The following ACOX3 variants were observed in gnomAD, a reference collection of about 807,000 sequenced individuals.
ACOX3 encodes peroxisomal acyl-coenzyme A oxidase 3.
A neutral mutation model predicts 81.5 loss-of-function variants in ACOX3; 73 were observed. The observed-to-expected ratio is 0.90, with a 90% CI of 0.74 to 1.09. ACOX3 has a LOEUF of 1.09. Ranked by LOEUF, ACOX3 falls within the 50% of genes least tolerant of loss-of-function variation. The pLI, the probability that ACOX3 is intolerant of heterozygous loss-of-function variation, is 0.00. For missense variants in ACOX3, 947 were observed against 928.0 expected, an observed-to-expected ratio of 1.02 and a Z score of -0.27; for synonymous variants, 387 against 375.1, an observed-to-expected ratio of 1.03 and a Z score of -0.37.
At chr4:8,404,306 G>A (rs569390843) in intron 7 of ACOX3, among the ~76,000 whole-genome samples, 14 of 152,288 alleles carry the variant, frequency 9.2e-5, no homozygotes, top group Non-Finnish European at 1.0e-4. Context: ...TCGGGGTGGC[G>A]CTCTCCTCCC....
At chr4:8,421,125 A>G (rs1722895328) in intron 1 of ACOX3, among the ~76,000 whole-genome samples, 1 of 152,210 alleles carries the variant, frequency 6.6e-6, no homozygotes, top group African/African-American at 2.4e-5. Context: ...CTCATCGGTA[A>G]CATTTGCTGG....
Position 8,389,506 on chromosome 4 carries a change from A to T in ACOX3, c.1423+106T>A. On this transcript the variant is annotated intron_variant, in intron 12 of 17. Coordinates refer to ENST00000356406, the MANE Select transcript of ACOX3 (RefSeq NM_003501.3). This position sits in a 1 kb window ranked among gnomAD's most constrained non-coding sequence, Gnocchi z 5.3. ...TCTAATAACATTTCTTTCCTTCTGC[A>T]AACCTAGGATGCATTCACAGAACAG... is the stretch of plus-strand genomic sequence containing the variant. The T allele has an allele frequency of 6.5e-7, 1 of 1,545,940 alleles. No individual in the cohort carries two copies. The highest frequency in any genetic ancestry group is 8.8e-7 in the Non-Finnish European group (1 of 1,134,138).
At chr4:8,438,624 A>C (rs1025415069) in intron 1 of ACOX3, among the ~76,000 whole-genome samples, 4 of 152,250 alleles carry the variant, frequency 2.6e-5, no homozygotes, top group Non-Finnish European at 5.9e-5. Flanking sequence ...AAGTGTTTAT[A>C]ATTAAATACA....
At chr4:8,439,230 G>A (rs892549218) in intron 1 of ACOX3, 1 of 152,106 alleles carries the variant, frequency 6.6e-6, no homozygotes. Context: ...CCTATATAAG[G>A]TGTCCCCATT....
rs953297290 is a variant in ACOX3, at chr4:8,368,047, G to A, written c.1984-967C>T. ...GTGGACACGCTGTTTCTTAGTAACT[G>A]CAGCCACCGCAGGATGCTGCAAGGC... On this transcript the variant is annotated intron_variant, in intron 17 of 17. Transcript: ENST00000356406. The surrounding 1 kb of genome is among the most constrained non-coding windows in gnomAD (Gnocchi z 5.9). Among the ~76,000 whole-genome samples, 4 of 151,428 alleles carry A rather than the reference G, an allele frequency of 2.6e-5. No individual in the cohort carries two copies. Among genetic ancestry groups the A allele is most frequent in the Admixed American group, 6.6e-5 (1 of 15,210 alleles).
rs1365622122 is a variant in ACOX3 at position 8,406,236 on chromosome 4, G to C, written c.688-193C>G. On this transcript the variant is annotated intron_variant, in intron 6 of 17. Transcript: ENST00000356406. This position sits in a 1 kb window ranked among gnomAD's most constrained non-coding sequence, Gnocchi z 5.6. ...GGAATGGAAGCTTATTTGGAAATAG[G>C]GTCCTGCAGATATAATGAATTTAAG... 6.6e-6 allele frequency among the ~76,000 whole-genome samples: 1 copy of C among 152,190 alleles called. No homozygotes were observed. Among genetic ancestry groups the C allele is most frequent in the African/African-American group, 2.4e-5 (1 of 41,446 alleles).
chr4:8,427,978 C>A (rs1483930730), intron 1 of ACOX3, among the ~76,000 whole-genome samples: 2 of 152,176 alleles, frequency 1.3e-5, no homozygotes, highest in Non-Finnish European at 2.9e-5. Context: ...CAGGGTCTAC[C>A]GTCTAGGCTT....
At position 8,385,810 on chromosome 4, in the gene ACOX3, G is replaced by A. The variant is rs1052767855; in HGVS notation, c.1537+3363C>T. Among the ~76,000 whole-genome samples the A allele has an allele frequency of 3.9e-5, 6 of 152,198 alleles. No homozygotes were observed. The highest frequency in any genetic ancestry group is 2.6e-4 in the Admixed American group (4 of 15,276). On this transcript the variant is annotated intron_variant, in intron 13 of 17. Coordinates refer to ENST00000356406, the MANE Select transcript of ACOX3 (RefSeq NM_003501.3). This position sits in a 1 kb window ranked among gnomAD's most constrained non-coding sequence, Gnocchi z 5.5. The stretch of plus-strand genomic sequence containing the variant: ...AGCTTTTACCAAAGATCCACATGAC[G>A]CAGGCTGCAGTCAGCCCTGAGACCT...
At chr4:8,375,993 G>C (rs1716917831) in intron 14 of ACOX3, among the ~76,000 whole-genome samples, 1 of 152,104 alleles carries the variant, frequency 6.6e-6, no homozygotes, top group Non-Finnish European at 1.5e-5. Flanking sequence ...CATGTATCTG[G>C]CTGGCAGGAT....
At chr4:8,438,626 T>C (rs575540302) in intron 1 of ACOX3, among the ~76,000 whole-genome samples, 1 of 152,332 alleles carries the variant, frequency 6.6e-6, no homozygotes, top group South Asian at 2.1e-4. Context: ...GTGTTTATAA[T>C]TAAATACATA....
At chr4:8,365,882 T>C (rs1428755775), downstream of ACOX3, among the ~76,000 whole-genome samples, 1 of 152,196 alleles carries the variant, frequency 6.6e-6, no homozygotes, top group African/African-American at 2.4e-5. Context: ...CTGGGCTACC[T>C]GGAAAAATAA....
chr4:8,424,598 T>C (rs1314203476), intron 1 of ACOX3, among the ~76,000 whole-genome samples: 4 of 152,218 alleles, frequency 2.6e-5, no homozygotes, highest in South Asian at 2.1e-4. Context: ...GTGGACGGCA[T>C]ACTCACTGCT....
chr4:8,396,812 A>T (rs890393809), intron 9 of ACOX3, 125 bp downstream of exon 9: 13 of 1,154,444 alleles, frequency 1.1e-5, no homozygotes, highest in Non-Finnish European at 1.6e-5. Context: ...CCCGCTAACT[A>T]ATCATCCTGT....
chr4:8,374,859 T>C, intron 15 of ACOX3, 119 bp downstream of exon 15: 1 of 1,131,312 alleles, frequency 8.8e-7, no homozygotes, highest in Non-Finnish European at 1.2e-6. Flanking sequence ...CACAGCGCCA[T>C]CCGCCGTGCT....
chr4:8,356,442 T>A, the ACOX3 span: 2 of 422,102 alleles, frequency 4.7e-6, no homozygotes, highest in South Asian at 3.5e-5. Flanking sequence ...GATCTCTCCA[T>A]CTCTCAGGAG....
intron 13 of ACOX3, among the ~76,000 whole-genome samples, chr4:8,388,421 C>T (rs555286543): frequency 2.0e-5 from 3 of 152,366 alleles, no homozygotes; most frequent in East Asian, 1.9e-4. Flanking sequence ...CCCAGGAACG[C>T]GAGAGCAGCT....
At position 8,397,105 on chromosome 4, in the gene ACOX3, G is replaced by GCGCTGCCTGA; in HGVS notation, c.878_887dup (p.Phe297GlnfsTer25). The GCGCTGCCTGA allele has an allele frequency of 6.4e-7, 1 of 1,560,794 alleles. No homozygotes were observed. The highest frequency in any genetic ancestry group is 8.6e-7 in the Non-Finnish European group (1 of 1,156,820). ...ACAGGCTCCCCAGGGACGCTCCAAAGCGCTGCCTGACGTCCTACGGGAGGG... is the reference window on the plus strand; with the variant it reads ...ACAGGCTCCCCAGGGACGCTCCAAAGCGCTGCCTGACGCTGCCTGACGTCCTACGGGAGGG... On this transcript the variant is annotated frameshift_variant, in exon 9 of 18. Coordinates refer to ENST00000356406, the MANE Select transcript of ACOX3 (RefSeq NM_003501.3). LOFTEE classifies it high-confidence loss of function.
intron 11 of ACOX3, among the ~76,000 whole-genome samples, chr4:8,390,357 C>T (rs1346871376): frequency 1.3e-5 from 2 of 151,948 alleles, no homozygotes; most frequent in African/African-American, 2.4e-5. Flanking sequence ...AAAAAAAAGC[C>T]CTGAACTCAG....
intron 6 of ACOX3, among the ~76,000 whole-genome samples, chr4:8,408,891 T>TGGGGGGGGGGGGGGGGGGGGGGG (rs200811549): frequency 3.9e-5 from 1 of 25,798 alleles, no homozygotes; most frequent in Non-Finnish European, 6.2e-5. Context: ...GAGCCCTCAC[T>TGGGGGGGGGGGGGGGGGGGGGGG]GGGGGGGGGG....
Sources: gnomAD v4.1 joint callset for allele counts (sites outside exome capture counted in the v4.1 genomes callset) on GRCh38, gnomAD v4.1.1 for gene constraint, Gnocchi (gnomAD v3.1) non-coding constraint, MANE v1.5 for transcripts, NCBI Gene and HGNC (gene_info 2026-07-23, HGNC 2026-07-21) for gene names.